Variants in KIAA1210 observed in about 807,000 individuals in gnomAD.
The protein encoded by KIAA1210 is acrosomal protein KIAA1210.
KIAA1210 carries 48 observed loss-of-function variants against 78.9 expected under a neutral mutation model. That is an observed-to-expected ratio of 0.61 (90% CI 0.48 to 0.77). The LOEUF is 0.77. Ranked by LOEUF, KIAA1210 falls within the 30% of genes least tolerant of loss-of-function variation. The pLI is 0.00. For synonymous variants in KIAA1210, 406 were observed against 404.5 expected, an observed-to-expected ratio of 1.00 and a Z score of -0.04; for missense variants, 1,108 against 1,100.0, an observed-to-expected ratio of 1.01 and a Z score of -0.10.
Position 119,117,562 on chromosome X carries a change from G to A in KIAA1210, c.62-898C>T, listed in dbSNP as rs1458537933. On this transcript the variant is annotated intron_variant, in intron 2 of 11. Transcript: ENST00000691062. ...ATGCCCTTAAGGTGCTGTCTGTTTG[G>A]GCTTTACTTTTTTTTTTTTTTTTTG... 9.1e-5 allele frequency among the ~76,000 whole-genome samples: 9 copies of A among 99,065 alleles called. 1 individual carries two copies. The highest frequency in any genetic ancestry group is 3.2e-4 in the African/African-American group (9 of 28,013). The allele number at this position is 99,065 out of a possible 115,157, so 86.0% of individuals were successfully genotyped here. A position where few individuals can be genotyped will look rare whatever the true frequency, so the allele number is the denominator to read the frequency against.
At chrX:119,145,608 G>A (rs1430246828) in intron 2 of KIAA1210, among the ~76,000 whole-genome samples, 1 of 111,130 alleles carries the variant, frequency 9.0e-6, no homozygotes, top group Non-Finnish European at 1.9e-5. Flanking sequence ...CAGGTGAGGT[G>A]AGCACATCCA....
Position 119,089,494 on chromosome X carries a change from G to A in KIAA1210, c.1208C>T (p.Ala403Val), listed in dbSNP as rs893126232. Residue 403 changes from alanine to valine, a missense_variant, in exon 9 of 12, where the codon GCC becomes GTC. This residue lies in a region of KIAA1210 where 672 missense variants were observed against 607.1 expected (regional missense o/e 1.11). Transcript: ENST00000691062. Reference sequence around the variant, plus strand: ...CAAGTGCGAGAAAGGGACATTCCTGGCAGTCTTATTGGTAGGTGAAGACCC... The same window carrying A: ...CAAGTGCGAGAAAGGGACATTCCTGACAGTCTTATTGGTAGGTGAAGACCC... ...RAGSSPTNKT[A>V]RNVPFSHLSL... 1.7e-6 allele frequency: 2 copies of A among 1,210,048 alleles called. No individual in the cohort carries two copies. The highest frequency in any genetic ancestry group is 1.7e-5 in the African/African-American group (1 of 57,188).
In KIAA1210 at chrX:119,085,379, C is replaced by T. The variant is rs766313156; in HGVS notation, c.4320+4G>A. On this transcript the variant is annotated splice_donor_region_variant and intron_variant, in intron 10 of 11. Coordinates refer to ENST00000691062, the MANE Select transcript of KIAA1210 (RefSeq NM_001394962.1). ...AGTGTTTTATTGGCTACCCCAGGTCCTACCTCATATTTAGGCTCCTTAGTC... is the reference window on the plus strand; with the variant it reads ...AGTGTTTTATTGGCTACCCCAGGTCTTACCTCATATTTAGGCTCCTTAGTC... The T allele has an allele frequency of 5.6e-5, 67 of 1,205,839 alleles. No individual in the cohort carries two copies. The highest frequency in any genetic ancestry group is 6.8e-5 in the Non-Finnish European group (61 of 893,260).
At position 119,087,734 on chromosome X, in the gene KIAA1210, T is replaced by C; in HGVS notation, c.2968A>G (p.Lys990Glu). 1.7e-6 allele frequency: 2 copies of C among 1,211,602 alleles called. No homozygotes were observed. The highest frequency in any genetic ancestry group is 2.2e-6 in the Non-Finnish European group (2 of 895,350). ...QYATQFLKRS[K>E]VQEMTSRLEK... ...AGTCGTGAGGTCATTTCCTGAACTT[T>C]AGACCTCTTTAAGAACTGGGTAGCA... The change falls in exon 9 of 12, where the codon AAA (lysine) becomes GAA (glutamate). Residue 990 changes from lysine (K) to glutamate (E), a missense_variant. Coordinates refer to ENST00000691062, the MANE Select transcript of KIAA1210 (RefSeq NM_001394962.1).
rs927754355 is a variant in KIAA1210, at chrX:119,081,199, G to A, written c.*130C>T. 1.7e-5 allele frequency: 8 copies of A among 468,790 alleles called. No homozygotes were observed. The highest frequency in any genetic ancestry group is 4.5e-5 in the East Asian group (1 of 22,428). The allele number at this position is 468,790 out of a possible 1,213,427, so 38.6% of individuals were successfully genotyped here. A position where few individuals can be genotyped will look rare whatever the true frequency, so the allele number is the denominator to read the frequency against. On this transcript the variant is annotated 3_prime_UTR_variant, in exon 12 of 12. Transcript: ENST00000691062. Reference sequence around the variant, plus strand: ...GGAGAGTGGCGTGAACCCGGGAGGCGGAGCTTGCAGTGAGCGGAGATCGCG... The same window carrying A: ...GGAGAGTGGCGTGAACCCGGGAGGCAGAGCTTGCAGTGAGCGGAGATCGCG...
At chrX:119,124,957 A>G (rs1928582193) in intron 1 of KIAA1210, among the ~76,000 whole-genome samples, 1 of 111,584 alleles carries the variant, frequency 9.0e-6, no homozygotes, top group African/African-American at 3.3e-5. Context: ...CTAGAAAACA[A>G]TACTAGCAAC....
chrX:119,082,106 C>T (rs1447842623), intron 11 of KIAA1210, among the ~76,000 whole-genome samples: 1 of 111,935 alleles, frequency 8.9e-6, no homozygotes, highest in Non-Finnish European at 1.9e-5. Flanking sequence ...TCAATCCTGG[C>T]TACACATTAG....
At position 119,138,149 on chromosome X, in the gene KIAA1210, T is replaced by C. The variant is rs145324664; in HGVS notation, c.410+9324A>G. On this transcript the variant is annotated intron_variant, in intron 2 of 13. Transcript: ENST00000402510. ...GAAAGGACTAAAAGGGACATTTCCA[T>C]GCAGGCTGAAGTCACCATGAAAGAC... Among the ~76,000 whole-genome samples, 320 of 107,729 alleles carry C rather than the reference T, an allele frequency of 3.0e-3. 3 individuals are homozygous for C. Among genetic ancestry groups the C allele is most frequent in the African/African-American group, 0.01 (305 of 29,415 alleles). The allele number at this position is 107,729 out of a possible 115,157, so 93.5% of individuals were successfully genotyped here. A position where few individuals can be genotyped will look rare whatever the true frequency, so the allele number is the denominator to read the frequency against.
At chrX:119,116,903 GTCATCTCTGGGCAGC>G in intron 2 of KIAA1210, among the ~76,000 whole-genome samples, 1 of 112,055 alleles carries the variant, frequency 8.9e-6, no homozygotes, top group East Asian at 2.8e-4. Context: ...GCCACAGCTT[GTCATCTCTGGGCAGC>G]TGCTATTCAG....
At chrX:119,127,577 T>A (rs982728988) in intron 1 of KIAA1210, among the ~76,000 whole-genome samples, 150 bp downstream of exon 1, 1 of 111,427 alleles carries the variant, frequency 9.0e-6, no homozygotes, top group Non-Finnish European at 1.9e-5. Flanking sequence ...CCAATCCAGC[T>A]GGACATGTGG....
intron 3 of KIAA1210, among the ~76,000 whole-genome samples, chrX:119,113,880 C>T (rs1457387521): frequency 9.0e-6 from 1 of 111,263 alleles, no homozygotes; most frequent in Non-Finnish European, 1.9e-5. Context: ...AGTGAAACAA[C>T]CTTTGTATGA....
rs1178083446 is a variant in KIAA1210, at chrX:119,147,981, T to G, written c.290-388A>C. Among the ~76,000 whole-genome samples, 3 of 111,146 alleles carry G rather than the reference T, an allele frequency of 2.7e-5. No homozygotes were observed. The Admixed American group carries it at 2.9e-4, about 11-fold the overall frequency. ...AAGACCCTGTCTCTATAAAAAGATTTTTTTAAAATTAGCCAGGCCATGGTG... is the reference window on the plus strand; with the variant it reads ...AAGACCCTGTCTCTATAAAAAGATTGTTTTAAAATTAGCCAGGCCATGGTG... On this transcript the variant is annotated intron_variant, in intron 1 of 13. Coordinates refer to the KIAA1210 transcript ENST00000402510.
At position 119,079,108 on chromosome X, in the gene KIAA1210, T is replaced by C. The variant is rs755076363; in HGVS notation, c.*2221A>G. ...ACAGTATCAGGAAAAATAGATGTTA[T>C]ATAGAGAAAATGCAAAATTTAGCAT... On this transcript the variant is annotated 3_prime_UTR_variant, in exon 12 of 12. Transcript: ENST00000691062. 1.8e-5 allele frequency: 2 copies of C among 112,532 alleles called. No individual in the cohort carries two copies. Among genetic ancestry groups the C allele is most frequent in the Non-Finnish European group, 3.8e-5 (2 of 53,333 alleles). The allele number at this position is 112,532 out of a possible 1,213,427, so 9.3% of individuals were successfully genotyped here.
At position 119,081,266 on chromosome X, in the gene KIAA1210, C is replaced by CAAAAA; in HGVS notation, c.*58_*62dup. On this transcript the variant is annotated 3_prime_UTR_variant, in exon 12 of 12. Coordinates refer to ENST00000691062, the MANE Select transcript of KIAA1210 (RefSeq NM_001394962.1). The stretch of plus-strand genomic sequence containing the variant: ...TGGGTAACAGAGCGAGACTCTGTCT[C>CAAAAA]AAAAAAAAAAAAAAAAAAAAAAACT... 5.7e-5 allele frequency: 32 copies of CAAAAA among 560,706 alleles called. No individual in the cohort carries two copies. The highest frequency in any genetic ancestry group is 1.2e-4 in the Admixed American group (2 of 16,582). 46.2% of individuals were successfully genotyped at this position (560,706 alleles called of 1,213,427 possible). A position where few individuals can be genotyped will look rare whatever the true frequency, so the allele number is the denominator to read the frequency against.
exon 1 of KIAA1210, chrX:119,150,326 G>A (rs1929264174): frequency 2.5e-6 from 3 of 1,207,277 alleles, no homozygotes; most frequent in East Asian, 3.0e-5. Context: ...CGGTGTGCAG[G>A]GCAGGAAGCC....
At chrX:119,091,965 A>G in intron 8 of KIAA1210, among the ~76,000 whole-genome samples, 1 of 111,482 alleles carries the variant, frequency 9.0e-6, no homozygotes. Flanking sequence ...GGGGGTGAGG[A>G]ATGAAAAACT....
At chrX:119,123,560 A>G (rs780303329) in intron 2 of KIAA1210, 22 bp downstream of exon 2, 4 of 1,136,347 alleles carry the variant, frequency 3.5e-6, no homozygotes, top group Non-Finnish European at 4.8e-6. Context: ...TCTGGTTATC[A>G]AAGTTTTATT....
intron 1 of KIAA1210, among the ~76,000 whole-genome samples, chrX:119,126,780 T>C (rs745651008): frequency 8.9e-6 from 1 of 112,298 alleles, no homozygotes; most frequent in African/African-American, 3.2e-5. Flanking sequence ...GAAGGAAAAT[T>C]CAACATCTGA....
intron 2 of KIAA1210, among the ~76,000 whole-genome samples, chrX:119,122,061 ATTTTTTT>A (rs781688572): frequency 1.8e-5 from 1 of 56,506 alleles, no homozygotes; most frequent in Non-Finnish European, 3.0e-5. Flanking sequence ...CGCGCCCGGC[ATTTTTTT>A]TTTTTTTTTT....
Sources: allele counts gnomAD v4.1 joint callset (sites outside exome capture counted in the v4.1 genomes callset), GRCh38; gene constraint gnomAD v4.1.1; regional missense constraint gnomAD v4.1.1; transcripts MANE v1.5; gene names NCBI Gene and HGNC (gene_info 2026-07-23, HGNC 2026-07-21).